The following DIDO1 variants were observed in gnomAD, a reference collection of about 807,000 sequenced individuals.
DIDO1 encodes death-inducer obliterator 1.
Under a neutral mutation model 99.4 loss-of-function variants are expected in DIDO1, and 16 were observed. That is an observed-to-expected ratio of 0.16 (90% confidence interval 0.11 to 0.24). The LOEUF (loss-of-function observed/expected upper bound fraction) is 0.24. Ranked by LOEUF, DIDO1 falls within the 10% of genes least tolerant of loss-of-function variation. The pLI, the probability that DIDO1 is intolerant of heterozygous loss-of-function variation, is 1.00. For missense variants in DIDO1, 2,996 were observed against 3,014.0 expected, an observed-to-expected ratio of 0.99 and a Z score of 0.14; for synonymous variants, 1,366 against 1,239.1, an observed-to-expected ratio of 1.10 and a Z score of -2.15.
At chr20:62,888,171 G>A (rs908366143) in intron 15 of DIDO1, 1 of 985,384 alleles carries the variant, frequency 1.0e-6, no homozygotes, top group Non-Finnish European at 1.2e-6. Flanking sequence ...AGCACTGAGG[G>A]GGCTAGGACT....
intron 1 of DIDO1, among the ~76,000 whole-genome samples, chr20:62,933,068 C>T (rs2065346856): frequency 6.6e-6 from 1 of 152,142 alleles, no homozygotes; most frequent in Non-Finnish European, 1.5e-5. Flanking sequence ...CAAAATTAGC[C>T]GGGCGTGGTG....
At chr20:62,910,436 G>A (rs1019731306) in intron 3 of DIDO1, among the ~76,000 whole-genome samples, 2 of 152,202 alleles carry the variant, frequency 1.3e-5, no homozygotes, top group Non-Finnish European at 2.9e-5. Context: ...GGGCAGTCTA[G>A]AGGAGCAGTC....
intron 1 of DIDO1, among the ~76,000 whole-genome samples, chr20:62,919,730 C>T (rs926035819): frequency 1.3e-5 from 2 of 152,210 alleles, no homozygotes; most frequent in Non-Finnish European, 2.9e-5. Flanking sequence ...ATGCTTTGGC[C>T]AGCCCCCGGC....
rs942461014 is a variant in DIDO1 at position 62,887,500 on chromosome 20, C to G, written c.3541+3460G>C. 3.0e-6 allele frequency: 3 copies of G among 985,344 alleles called. No individual in the cohort carries two copies. In the Admixed American group the frequency reaches 1.8e-4, roughly 61 times the overall value. 61.0% of individuals were successfully genotyped at this position (985,344 alleles called of 1,614,324 possible). ...AGAGCCCTTTCCATTCGAGCAGCTA[C>G]AGAGGGCGGTGTTTCCTCCTGCCCT... On this transcript the variant is annotated intron_variant, in intron 15 of 15. Coordinates refer to ENST00000395343, the MANE Select transcript of DIDO1 (RefSeq NM_001193369.2).
intron 15 of DIDO1, among the ~76,000 whole-genome samples, chr20:62,885,593 C>T (rs536585235): frequency 6.6e-6 from 1 of 152,184 alleles, no homozygotes; most frequent in Non-Finnish European, 1.5e-5. Flanking sequence ...TCTTGGTGCT[C>T]TCAACTGCAA....
In DIDO1 at chr20:62,896,347, T is replaced by C. The variant is rs1035443730; in HGVS notation, c.2100A>G (p.Gly700=). 6.8e-6 allele frequency: 11 copies of C among 1,614,042 alleles called. No homozygotes were observed. Among genetic ancestry groups the C allele is most frequent in the Non-Finnish European group, 8.5e-6 (10 of 1,180,038 alleles). ...DDLIMTENEV[G]KIALHIEKEM... ...CCTTCTCAATATGGAGGGCAATTTT[T>C]CCTACTTCGTTTTCTGTCATGATTA... The change falls in exon 8 of 16, where the codon GGA becomes GGG. Residue 700 remains glycine (G), a synonymous_variant. Transcript: ENST00000395343. The surrounding 1 kb of genome is among the most constrained non-coding windows in gnomAD (Gnocchi z 4.4).
At position 62,880,934 on chromosome 20, in the gene DIDO1, C is replaced by A. The variant is rs1286260286; in HGVS notation, c.5022G>T (p.Leu1674=). 7.5e-6 allele frequency: 12 copies of A among 1,609,116 alleles called. No homozygotes were observed. The South Asian group carries it at 9.9e-5, about 13-fold the overall frequency. ...AAGGGTCCCTCTCACCGTCGTGCTGCAGCGGGAAGCCGGGCTGCAGGGCGC... is the reference window on the plus strand; with the variant it reads ...AAGGGTCCCTCTCACCGTCGTGCTGAAGCGGGAAGCCGGGCTGCAGGGCGC... ...PCGALQPGFP[L]QHDGERDPFT... The change falls in exon 16 of 16, where the codon CTG becomes CTT. Residue 1674 remains leucine, a synonymous_variant. Transcript: ENST00000395343.
intron 1 of DIDO1, among the ~76,000 whole-genome samples, chr20:62,935,173 G>A (rs138375757): frequency 5.5e-4 from 84 of 152,206 alleles, no homozygotes; most frequent in African/African-American, 1.7e-3. Flanking sequence ...CTACTCACCC[G>A]CATCACTCTG....
intron 6 of DIDO1, chr20:62,905,150 C>T: frequency 9.7e-7 from 1 of 1,033,884 alleles, no homozygotes; most frequent in Non-Finnish European, 1.2e-6. Context: ...TCTTAAGAGT[C>T]TAAACATTCA....
intron 1 of DIDO1, among the ~76,000 whole-genome samples, chr20:62,924,143 A>C (rs2065209127): frequency 1.3e-5 from 2 of 152,244 alleles, no homozygotes; most frequent in Non-Finnish European, 1.5e-5. Context: ...TAATGCAATT[A>C]ACACACATCA....
Position 62,914,409 on chromosome 20 carries a change from A to G in DIDO1, c.-199-3T>C, listed in dbSNP as rs2065001985. 1.3e-5 allele frequency: 2 copies of G among 152,234 alleles called. No homozygotes were observed. The highest frequency in any genetic ancestry group is 4.8e-5 in the African/African-American group (2 of 41,456). 9.4% of individuals were successfully genotyped at this position (152,234 alleles called of 1,614,324 possible). A position where few individuals can be genotyped will look rare whatever the true frequency, so the allele number is the denominator to read the frequency against. ...GGCTGTTCCCGTGGAGTAAGCTCCT[A>G]AAAGAAAATAAGAAAATATTTTACA... On this transcript the variant is annotated splice_polypyrimidine_tract_variant and splice_region_variant and intron_variant, in intron 1 of 15. Transcript: ENST00000395343.
At chr20:62,890,564 C>T in intron 15 of DIDO1, 1 of 1,024,490 alleles carries the variant, frequency 9.8e-7, no homozygotes, top group Non-Finnish European at 1.2e-6. Flanking sequence ...GAAGTGATCC[C>T]TGATGGAGCC....
intron 6 of DIDO1, among the ~76,000 whole-genome samples, chr20:62,900,885 G>A (rs905922808): frequency 1.3e-5 from 2 of 152,194 alleles, no homozygotes; most frequent in African/African-American, 4.8e-5. Flanking sequence ...GTCAGTGAAG[G>A]AACTGTGGAA....
intron 4 of DIDO1, among the ~76,000 whole-genome samples, chr20:62,909,039 G>C (rs757968038): frequency 3.9e-5 from 6 of 152,228 alleles, no homozygotes; most frequent in East Asian, 1.9e-4. Context: ...CCCAGCCTTC[G>C]GACATCCTCA....
chr20:62,894,098 G>C lies in DIDO1; in HGVS notation c.2669C>G (p.Ser890Cys), dbSNP rs201113903. ...TGAATCCGGAGCTGGGTCAGGTGCA[G>C]AGCTGTCATGCTTTGATTTTAAGTC... ...KEDLKSKHDSSAPDPAPDSAD... is the reference protein window; with the variant it reads ...KEDLKSKHDSCAPDPAPDSAD... The change falls in exon 12 of 16, where the codon TCT becomes TGT. Residue 890 changes from serine (S) to cysteine (C), a missense_variant. By Grantham distance (112) the Ser-to-Cys change is moderately radical. Coordinates refer to ENST00000395343, the MANE Select transcript of DIDO1 (RefSeq NM_001193369.2). This position sits in a 1 kb window ranked among gnomAD's most constrained non-coding sequence, Gnocchi z 4.4. 445 of 1,614,260 alleles carry C rather than the reference G, an allele frequency of 2.8e-4. 2 individuals carry two copies. Among genetic ancestry groups the C allele is most frequent in the Middle Eastern group, 1.5e-3 (9 of 6,062 alleles).
In DIDO1 at chr20:62,895,076, G is replaced by A. The variant is rs371776118; in HGVS notation, c.2304C>T (p.Ser768=). 3.4e-5 allele frequency: 54 copies of A among 1,610,454 alleles called. No individual in the cohort carries two copies. In the Admixed American group the frequency reaches 5.2e-4, roughly 15 times the overall value. Residue 768 remains serine (S), a synonymous_variant, in exon 9 of 16, where the codon TCC becomes TCT. Transcript: ENST00000395343. Reference sequence around the variant, plus strand: ...ATCTCGCTGGCCTCTCTTTCCACGTGGAAAGCTCTTTAGATACAAGTTCTT... The same window carrying A: ...ATCTCGCTGGCCTCTCTTTCCACGTAGAAAGCTCTTTAGATACAAGTTCTT... ...KPEELVSKEL[S]TWKERPARSV...
At position 62,881,590 on chromosome 20, in the gene DIDO1, AGTTCCTTCTCAC is replaced by A. The variant is rs758856166; in HGVS notation, c.4354_4365del (p.Val1452_Asn1455del). On this transcript the variant is annotated inframe_deletion, in exon 16 of 16. Coordinates refer to ENST00000395343, the MANE Select transcript of DIDO1 (RefSeq NM_001193369.2). This position sits in a 1 kb window ranked among gnomAD's most constrained non-coding sequence, Gnocchi z 8.3. The stretch of plus-strand genomic sequence containing the variant: ...ACCGGCTCGGCAGGCCTCTCCACGG[AGTTCCTTCTCAC>A]GTCGGCACACATCCTGTTGGGCAGG... The A allele has an allele frequency of 1.2e-6, 2 of 1,611,708 alleles. No individual in the cohort carries two copies. Among genetic ancestry groups the A allele is most frequent in the East Asian group, 4.5e-5 (2 of 44,870 alleles).
intron 14 of DIDO1, 148 bp downstream of exon 14, chr20:62,891,839 C>CT: frequency 1.5e-6 from 1 of 678,158 alleles, no homozygotes; most frequent in Admixed American, 3.5e-5. Context: ...CACTGCAAAA[C>CT]TTAATTTTTA....
At chr20:62,898,893 T>C (rs1289889827) in intron 6 of DIDO1, among the ~76,000 whole-genome samples, 2 of 152,242 alleles carry the variant, frequency 1.3e-5, no homozygotes, top group Admixed American at 1.3e-4. Flanking sequence ...CCTTAGTGTT[T>C]GAAAATCTGT....
Sources: gnomAD v4.1 joint callset for allele counts (sites outside exome capture counted in the v4.1 genomes callset) on GRCh38, gnomAD v4.1.1 for gene constraint, Gnocchi (gnomAD v3.1) non-coding constraint, MANE v1.5 for transcripts, NCBI Gene and HGNC (gene_info 2026-07-23, HGNC 2026-07-21) for gene names.